IFI44: variants seen among roughly 807,000 people sequenced by gnomAD.
The protein encoded by IFI44 is interferon-induced protein 44.
IFI44 carries 42 observed loss-of-function variants against 45.0 expected under a neutral mutation model. The ratio of observed to expected loss-of-function variants is 0.93; its 90% CI spans 0.73 to 1.21. The LOEUF is 1.21. Among genes scored for constraint, IFI44 ranks in the 50% most tolerant of loss-of-function variants. The probability of loss-of-function intolerance (pLI) is 0.00; values close to 1 mark genes in which losing one functional copy is unlikely to be tolerated. For synonymous variants in IFI44, 221 were observed against 188.6 expected, an observed-to-expected ratio of 1.17 and a Z score of -1.41; for missense variants, 623 against 525.8, an observed-to-expected ratio of 1.18 and a Z score of -1.81.
rs542777333 is a variant in IFI44, at chr1:78,655,359, C to T, written c.691-3C>T. On this transcript the variant is annotated splice_region_variant and splice_polypyrimidine_tract_variant and intron_variant, in intron 4 of 8. Coordinates refer to ENST00000370747, the MANE Select transcript of IFI44 (RefSeq NM_006417.5). ...TTTAAAATTGCTTTTCTCCCCTCTA[C>T]AGTATAGGACATACTCTATTAGAGA... is the stretch of plus-strand genomic sequence containing the variant. 3 of 1,596,894 alleles carry T rather than the reference C, an allele frequency of 1.9e-6. No individual in the cohort carries two copies. The highest frequency in any genetic ancestry group is 2.2e-5 in the East Asian group (1 of 44,774).
chr1:78,654,090 C>G (rs1254118187), intron 2 of IFI44, among the ~76,000 whole-genome samples, 153 bp from the exon 3 acceptor site: 1 of 152,168 alleles, frequency 6.6e-6, no homozygotes, highest in East Asian at 1.9e-4. Flanking sequence ...AGAATTTGCT[C>G]TACAAAATTG....
chr1:78,656,584 C>T (rs1647216236), intron 5 of IFI44, among the ~76,000 whole-genome samples: 1 of 151,838 alleles, frequency 6.6e-6, no homozygotes, highest in Non-Finnish European at 1.5e-5. Flanking sequence ...TGATAAGTTA[C>T]CAGACAAGTC....
In IFI44 at chr1:78,663,791, T is replaced by C. The variant is rs1267023901; in HGVS notation, c.1315T>C (p.Cys439Arg). Reference protein sequence around the residue: ...IGNLREEIINCAQGKK With the variant: ...IGNLREEIINRAQGKK ...GAATCTAAGGGAGGAAATTATCAAC[T>C]GTGCACAAGGAAAAAAATAGATATG... Residue 439 changes from cysteine to arginine, a missense_variant, in exon 9 of 9, where the codon TGT (cysteine) becomes CGT (arginine). Cys to Arg is a radical substitution (Grantham distance 180). Transcript: ENST00000370747. The C allele has an allele frequency of 2.4e-5, 38 of 1,612,506 alleles. No individual in the cohort carries two copies. The highest frequency in any genetic ancestry group is 3.1e-5 in the Non-Finnish European group (36 of 1,179,476).
At position 78,651,490 on chromosome 1, in the gene IFI44, A is replaced by G. The variant is rs146156342; in HGVS notation, c.457+838A>G. Among the ~76,000 whole-genome samples the G allele has an allele frequency of 2.9e-3, 434 of 152,254 alleles. 2 individuals are homozygous for G. The highest frequency in any genetic ancestry group is 9.6e-3 in the African/African-American group (398 of 41,548). On this transcript the variant is annotated intron_variant, in intron 2 of 8. Coordinates refer to ENST00000370747, the MANE Select transcript of IFI44 (RefSeq NM_006417.5). ...CAATGGGGAGCAGCTGTAAATACAG[A>G]TGAAGCTTCACTCGCCTGCCTCTCA...
chr1:78,661,230 C>A (rs1647432419), intron 7 of IFI44, among the ~76,000 whole-genome samples: 1 of 152,058 alleles, frequency 6.6e-6, no homozygotes, highest in African/African-American at 2.4e-5. Context: ...CCTGGCTAAT[C>A]TTTTCTGTAT....
chr1:78,653,362 G>A lies in IFI44; in HGVS notation c.458-881G>A, dbSNP rs1392986808. Among the ~76,000 whole-genome samples, 3 of 152,154 alleles carry A rather than the reference G, an allele frequency of 2.0e-5. No homozygotes were observed. In the East Asian group the frequency reaches 5.8e-4, roughly 29 times the overall value. On this transcript the variant is annotated intron_variant, in intron 2 of 8. Transcript: ENST00000370747. ...AAGACAGTTCTTTTTAAACTCCCAG[G>A]AGGCTGCTTTTCCAATTGTTTGTAC...
At chr1:78,663,353 T>C (rs1647582374) in intron 8 of IFI44, 2 of 985,298 alleles carry the variant, frequency 2.0e-6, no homozygotes, top group South Asian at 9.4e-5. Flanking sequence ...TCATGCAGTA[T>C]GGTCATTGCT....
rs1007198234 is a variant in IFI44, at chr1:78,663,649, A to G, written c.1289-116A>G. On this transcript the variant is annotated intron_variant, in intron 8 of 8. Transcript: ENST00000370747. ...CCCCATCCCTTCTCTTCCTCATGGT[A>G]CGTGTGCTCCTAATATTAGCGTTGG... 4 of 1,471,330 alleles carry G rather than the reference A, an allele frequency of 2.7e-6. No individual in the cohort carries two copies. The African/African-American group carries it at 5.7e-5, about 21-fold the overall frequency. 91.1% of individuals were successfully genotyped at this position (1,471,330 alleles called of 1,614,324 possible). A position where few individuals can be genotyped will look rare whatever the true frequency, so the allele number is the denominator to read the frequency against.
intron 2 of IFI44, among the ~76,000 whole-genome samples, chr1:78,651,606 T>C (rs1250115748): frequency 6.6e-6 from 1 of 152,170 alleles, no homozygotes; most frequent in African/African-American, 2.4e-5. Flanking sequence ...TATGGTATTG[T>C]TGCTGTAGGT....
chr1:78,661,765 A>G (rs1203620758), intron 7 of IFI44, among the ~76,000 whole-genome samples: 1 of 152,198 alleles, frequency 6.6e-6, no homozygotes, highest in African/African-American at 2.4e-5. Context: ...GGGAGATTTC[A>G]TCAATGGAAC....
intron 5 of IFI44, among the ~76,000 whole-genome samples, chr1:78,658,039 T>C (rs190806696): frequency 5.3e-5 from 8 of 152,246 alleles, no homozygotes; most frequent in African/African-American, 1.9e-4. Context: ...CATTGTTTCT[T>C]GACTTTCTCA....
At chr1:78,654,027 A>C (rs898924750) in intron 2 of IFI44, among the ~76,000 whole-genome samples, 13 of 152,200 alleles carry the variant, frequency 8.5e-5, no homozygotes, top group African/African-American at 3.1e-4. Flanking sequence ...CAGAGGGTCT[A>C]CTTACCTCTA....
chr1:78,660,912 C>A (rs1647412970), intron 7 of IFI44: 5 of 451,542 alleles, frequency 1.1e-5, no homozygotes, highest in South Asian at 1.1e-4. Context: ...TTGCATATAA[C>A]CTATGCACAT....
At chr1:78,662,984 T>G in intron 8 of IFI44, 106 bp downstream of exon 8, 1 of 1,598,434 alleles carries the variant, frequency 6.3e-7, no homozygotes, top group South Asian at 1.1e-5. Context: ...TGTGGGTTGT[T>G]GCCCTGTGAT....
intron 2 of IFI44, among the ~76,000 whole-genome samples, chr1:78,652,972 T>A (rs1320394000): frequency 6.6e-6 from 1 of 152,146 alleles, no homozygotes; most frequent in Non-Finnish European, 1.5e-5. Flanking sequence ...TTTTTCAGCA[T>A]TTTGTTTTAT....
chr1:78,651,122 G>A (rs985896251), intron 2 of IFI44, among the ~76,000 whole-genome samples: 1 of 152,156 alleles, frequency 6.6e-6, no homozygotes, highest in African/African-American at 2.4e-5. Flanking sequence ...GACCAGTTTC[G>A]TGGAAGACAA....
intron 5 of IFI44, among the ~76,000 whole-genome samples, chr1:78,657,826 C>T (rs917155977): frequency 6.6e-6 from 1 of 151,986 alleles, no homozygotes; most frequent in African/African-American, 2.4e-5. Context: ...TGTTTCAATC[C>T]ATTGTAGGTT....
At chr1:78,658,928 C>T (rs1647298437) in intron 5 of IFI44, among the ~76,000 whole-genome samples, 1 of 152,038 alleles carries the variant, frequency 6.6e-6, no homozygotes, top group African/African-American at 2.4e-5. Flanking sequence ...AAAGTCATCT[C>T]ACCTTGGACC....
At chr1:78,653,158 T>C (rs968734349) in intron 2 of IFI44, among the ~76,000 whole-genome samples, 1 of 152,060 alleles carries the variant, frequency 6.6e-6, no homozygotes, top group Non-Finnish European at 1.5e-5. Flanking sequence ...TAATTTCTCT[T>C]TATATTTGTG....
Sources: allele counts gnomAD v4.1 joint callset (sites outside exome capture counted in the v4.1 genomes callset), GRCh38; gene constraint gnomAD v4.1.1; transcripts MANE v1.5; gene names NCBI Gene and HGNC (gene_info 2026-07-23, HGNC 2026-07-21).